The following FRAS1 variants were observed in gnomAD, a reference collection of about 807,000 sequenced individuals.
The protein encoded by FRAS1 is extracellular matrix organizing protein FRAS1.
A neutral mutation model predicts 435.2 loss-of-function variants in FRAS1; 290 were observed. The observed-to-expected ratio is 0.67, with a 90% CI of 0.61 to 0.73. The LOEUF (loss-of-function observed/expected upper bound fraction) is 0.73. FRAS1 is among the 30% of genes least tolerant of loss of function. The pLI is 0.00. For synonymous variants in FRAS1, 1,800 were observed against 1,851.0 expected (o/e 0.97, Z 0.71); for missense variants, 4,860 against 5,001.5 (o/e 0.97, Z 0.85).
chr4:78,512,493 C>A (rs1342824866), intron 64 of FRAS1, among the ~76,000 whole-genome samples: 1 of 144,338 alleles, frequency 6.9e-6, no homozygotes, highest in Non-Finnish European at 1.5e-5. Flanking sequence ...AGTAAACACG[C>A]TCAAAGTTTA....
chr4:78,367,053 G>T (rs948211180), intron 22 of FRAS1, among the ~76,000 whole-genome samples: 1 of 152,136 alleles, frequency 6.6e-6, no homozygotes, highest in Non-Finnish European at 1.5e-5. Flanking sequence ...ATTTCTTTTA[G>T]AAGTGAGTGA....
rs6856362 is a variant in FRAS1, at chr4:78,264,893, G to A, written c.604-132G>A. On this transcript the variant is annotated intron_variant, in intron 6 of 73. Coordinates refer to ENST00000512123, the MANE Select transcript of FRAS1 (RefSeq NM_025074.7). ...TCAGAGTCCCAGGTGACTAAGAAAT[G>A]TTAAATGAGAGGCAAGTGCTGTTAT... 236,190 of 703,990 alleles carry A rather than the reference G, an allele frequency of 0.34. 40,801 individuals are homozygous for A. Among genetic ancestry groups the A allele is most frequent in the Admixed American group, 0.4 (19,858 of 49,744 alleles). 43.6% of individuals were successfully genotyped at this position (703,990 alleles called of 1,614,324 possible). A position where few individuals can be genotyped will look rare whatever the true frequency, so the allele number is the denominator to read the frequency against.
chr4:78,070,527 T>G (rs1472257726), intron 2 of FRAS1: 1 of 152,194 alleles, frequency 6.6e-6, no homozygotes, highest in African/African-American at 2.4e-5. Flanking sequence ...TTTTGGGGTG[T>G]GTTTCTTACT....
intron 14 of FRAS1, among the ~76,000 whole-genome samples, chr4:78,288,343 A>T (rs529829959): frequency 6.6e-6 from 1 of 152,302 alleles, no homozygotes; most frequent in African/African-American, 2.4e-5. Flanking sequence ...AAAGGCAACT[A>T]ATTTCCCCTA....
intron 13 of FRAS1, 58 bp from the exon 14 acceptor site, chr4:78,286,347 G>T: frequency 6.2e-7 from 1 of 1,602,054 alleles, no homozygotes; most frequent in Non-Finnish European, 8.5e-7. Context: ...CATGGGGGTG[G>T]TGTCTTTCAG....
chr4:78,515,323 C>CTTTT lies in FRAS1; in HGVS notation c.10175-463_10175-460dup, dbSNP rs78491600. Among the ~76,000 whole-genome samples, 266 of 136,366 alleles carry CTTTT rather than the reference C, an allele frequency of 2.0e-3. 2 individuals are homozygous for CTTTT. The highest frequency in any genetic ancestry group is 2.4e-3 in the Non-Finnish European group (152 of 63,102). The allele number at this position is 136,366 out of a possible 152,430, so 89.5% of individuals were successfully genotyped here. ...AAGTAGTCAAATGTAGGTATGCTGG[C>CTTTT]TTTTTTTTTTTTTTTTGAGATGGGG... On this transcript the variant is annotated intron_variant, in intron 65 of 73. Coordinates refer to ENST00000512123, the MANE Select transcript of FRAS1 (RefSeq NM_025074.7).
chr4:78,365,230 C>T (rs1731217591), intron 22 of FRAS1, among the ~76,000 whole-genome samples: 1 of 152,164 alleles, frequency 6.6e-6, no homozygotes, highest in African/African-American at 2.4e-5. Context: ...GAAACTCACC[C>T]TTTTGCATCA....
At chr4:78,451,470 T>C (rs1455218254) in intron 45 of FRAS1, among the ~76,000 whole-genome samples, 1 of 152,222 alleles carries the variant, frequency 6.6e-6, no homozygotes, top group Non-Finnish European at 1.5e-5. Flanking sequence ...TTTGTGGATC[T>C]CGTTTTCATG....
chr4:78,239,600 T>A (rs189445038), intron 3 of FRAS1, among the ~76,000 whole-genome samples: 138 of 152,278 alleles, frequency 9.1e-4, no homozygotes, highest in African/African-American at 3.1e-3. Context: ...CATTTCCCAA[T>A]GTCCTTTAAG....
chr4:78,537,223 G>C lies in FRAS1; in HGVS notation c.11298+23G>C, dbSNP rs772404491. 5 of 1,604,274 alleles carry C rather than the reference G, an allele frequency of 3.1e-6. No homozygotes were observed. The South Asian group carries it at 4.5e-5, about 14-fold the overall frequency. ...TTGGTATGCTAAGTTCTCACTATTA[G>C]TGTTAAAGAGCAGACACTTGAGCAG... On this transcript the variant is annotated intron_variant, in intron 72 of 73. Transcript: ENST00000512123.
intron 20 of FRAS1, among the ~76,000 whole-genome samples, chr4:78,347,045 C>G (rs778936868): frequency 1.3e-5 from 2 of 152,190 alleles, no homozygotes; most frequent in African/African-American, 2.4e-5. Context: ...CCTCATTTCT[C>G]TCTTCCTGCT....
At chr4:78,078,537 T>A (rs1057208462) in intron 2 of FRAS1, among the ~76,000 whole-genome samples, 10 of 152,122 alleles carry the variant, frequency 6.6e-5, no homozygotes, top group African/African-American at 2.4e-4. Context: ...TGATGACATT[T>A]AAAAATATCT....
intron 14 of FRAS1, among the ~76,000 whole-genome samples, chr4:78,299,362 C>T (rs1045157155): frequency 6.6e-6 from 1 of 152,184 alleles, no homozygotes; most frequent in Non-Finnish European, 1.5e-5. Context: ...CACAGATGCA[C>T]ATCAGAGAGA....
At chr4:78,404,877 C>T (rs72657093) in intron 30 of FRAS1, among the ~76,000 whole-genome samples, 47,425 of 151,950 alleles carry the variant, frequency 0.31, 7,698 homozygotes, top group African/African-American at 0.39. Flanking sequence ...TCAACTCTTA[C>T]AGGCTTTCTA....
intron 2 of FRAS1, among the ~76,000 whole-genome samples, chr4:78,201,137 G>T (rs1312507179): frequency 6.6e-6 from 1 of 151,934 alleles, no homozygotes; most frequent in African/African-American, 2.4e-5. Context: ...TTGCCTTTGT[G>T]TCTGCCTCTC....
intron 2 of FRAS1, among the ~76,000 whole-genome samples, chr4:78,113,430 T>A (rs2109943125): frequency 6.6e-6 from 1 of 152,268 alleles, no homozygotes; most frequent in East Asian, 1.9e-4. Flanking sequence ...TTGAACTAGT[T>A]TACAGTCCCA....
rs758123693 is a variant in FRAS1, at chr4:78,407,735, G to A, written c.4202G>A (p.Arg1401Lys). ...ADEGQHLPDG[R>K]TATPTSTFTQ... is the part of the protein sequence containing the mutation. ...GAAGGGCAGCACCTGCCTGATGGGAGGACAGCTACCCCCACCAGCACCTTC... is the reference window on the plus strand; with the variant it reads ...GAAGGGCAGCACCTGCCTGATGGGAAGACAGCTACCCCCACCAGCACCTTC... Residue 1401 changes from arginine (R) to lysine (K), a missense_variant, in exon 31 of 74, where the codon AGG becomes AAG. Transcript: ENST00000512123. 1 of 1,613,780 alleles carries A rather than the reference G, an allele frequency of 6.2e-7. No individual in the cohort carries two copies. Among genetic ancestry groups the A allele is most frequent in the Non-Finnish European group, 8.5e-7 (1 of 1,179,812 alleles).
At chr4:78,445,850 G>A (rs1336806087) in intron 42 of FRAS1, 138 bp downstream of exon 42, 14 of 1,404,218 alleles carry the variant, frequency 1.0e-5, no homozygotes, top group African/African-American at 5.8e-5. Context: ...TTAAAATATA[G>A]CCTTCAGGAA....
chr4:78,516,020 G>T lies in FRAS1; in HGVS notation c.10389+7G>T. The T allele has an allele frequency of 2.5e-6, 4 of 1,609,050 alleles. No individual in the cohort carries two copies. Among genetic ancestry groups the T allele is most frequent in the Non-Finnish European group, 3.4e-6 (4 of 1,177,074 alleles). On this transcript the variant is annotated splice_region_variant and intron_variant, in intron 66 of 73. Coordinates refer to ENST00000512123, the MANE Select transcript of FRAS1 (RefSeq NM_025074.7). ...TGTAACCGCTGACTTCCAGGTAGGT[G>T]CCCCGGGGCTTGTCTGAGGACTCTG... is the stretch of plus-strand genomic sequence containing the variant.
Sources: allele counts gnomAD v4.1 joint callset (sites outside exome capture counted in the v4.1 genomes callset), GRCh38; gene constraint gnomAD v4.1.1; transcripts MANE v1.5; gene names NCBI Gene and HGNC (gene_info 2026-07-23, HGNC 2026-07-21).